The following ZPLD1 variants were observed in gnomAD, a reference collection of about 807,000 sequenced individuals.
ZPLD1 encodes the protein zona pellucida like domain containing 1, also known as zona pellucida-like domain-containing protein 1.
Under a neutral mutation model 47.2 loss-of-function variants are expected in ZPLD1, and 34 were observed. The ratio of observed to expected loss-of-function variants is 0.72; its 90% CI spans 0.55 to 0.96. The LOEUF is 0.96. ZPLD1 is among the 40% of genes least tolerant of loss of function. The pLI, the probability that ZPLD1 is intolerant of heterozygous loss-of-function variation, is 0.00. For missense variants in ZPLD1, 512 were observed against 505.8 expected (o/e 1.01, Z -0.12); for synonymous variants, 176 against 186.2 (o/e 0.95, Z 0.45).
chr3:102,463,591 G>A (rs1707542616), intron 7 of ZPLD1, among the ~76,000 whole-genome samples: 1 of 152,086 alleles, frequency 6.6e-6, no homozygotes, highest in African/African-American at 2.4e-5. Context: ...TTAAAAACTT[G>A]TATGGGTACA....
intron 3 of ZPLD1, among the ~76,000 whole-genome samples, chr3:102,449,760 T>G (rs573490309): frequency 6.6e-6 from 1 of 152,322 alleles, no homozygotes; most frequent in South Asian, 2.1e-4. Flanking sequence ...ATCATAGGCA[T>G]GTATATATAG....
intron 7 of ZPLD1, among the ~76,000 whole-genome samples, chr3:102,400,970 C>T (rs1295899484): frequency 6.6e-6 from 1 of 151,998 alleles, no homozygotes; most frequent in Non-Finnish European, 1.5e-5. Context: ...AATTTCAAAC[C>T]AATATGAGTC....
chr3:102,458,014 T>G (rs781612526), intron 6 of ZPLD1, among the ~76,000 whole-genome samples, 161 bp downstream of exon 6: 2 of 152,206 alleles, frequency 1.3e-5, no homozygotes, highest in Non-Finnish European at 2.9e-5. Flanking sequence ...ATCTTAGTGA[T>G]AAAGGTATAA....
intron 6 of ZPLD1, among the ~76,000 whole-genome samples, chr3:102,458,690 T>C (rs924774532): frequency 1.3e-5 from 2 of 152,200 alleles, no homozygotes; most frequent in Non-Finnish European, 2.9e-5. Context: ...TTTAAAAAAA[T>C]CATGTTTATA....
At chr3:102,414,621 A>G (rs949273940) in intron 7 of ZPLD1, among the ~76,000 whole-genome samples, 1 of 151,902 alleles carries the variant, frequency 6.6e-6, no homozygotes, top group Non-Finnish European at 1.5e-5. Flanking sequence ...TACCTAGTAA[A>G]GCTAGTTCCT....
chr3:102,392,468 A>G (rs1054459643), intron 7 of ZPLD1, among the ~76,000 whole-genome samples: 5 of 151,960 alleles, frequency 3.3e-5, no homozygotes, highest in Non-Finnish European at 7.4e-5. Context: ...AGGGTATCAC[A>G]TGTGCTAATA....
chr3:102,470,158 T>C (rs999131032), intron 9 of ZPLD1, among the ~76,000 whole-genome samples: 1 of 152,202 alleles, frequency 6.6e-6, no homozygotes, highest in African/African-American at 2.4e-5. Context: ...GCCATTGAGC[T>C]ATGTAAATTA....
intron 10 of ZPLD1, among the ~76,000 whole-genome samples, chr3:102,474,920 G>A (rs1707736086): frequency 2.0e-5 from 3 of 152,020 alleles, no homozygotes; most frequent in Admixed American, 2.0e-4. Context: ...AAAAAGTGTG[G>A]TGGGATAAAA....
Position 102,453,059 on chromosome 3 carries a change from A to G in ZPLD1, c.247A>G (p.Ile83Val). Reference protein sequence around the residue: ...RHGDSHCRGFINNNTFPAVVI... With the variant: ...RHGDSHCRGFVNNNTFPAVVI... ...TGGGGACTCCCACTGCAGAGGGTTC[A>G]TCAATAACAACACCTTTCCAGCAGT... The change falls in exon 4 of 12, where the codon ATC (isoleucine) becomes GTC (valine). Residue 83 changes from isoleucine to valine, a missense_variant. Ile to Val is a conservative substitution (Grantham distance 29). Transcript: ENST00000466937. 1 of 1,614,136 alleles carries G rather than the reference A, an allele frequency of 6.2e-7. No individual in the cohort carries two copies. Among genetic ancestry groups the G allele is most frequent in the Non-Finnish European group, 8.5e-7 (1 of 1,179,988 alleles).
intron 7 of ZPLD1, among the ~76,000 whole-genome samples, chr3:102,410,619 G>A (rs1045197278): frequency 6.6e-6 from 1 of 151,434 alleles, no homozygotes; most frequent in East Asian, 1.9e-4. Flanking sequence ...AAATGAGGTA[G>A]TCTTTCAGCA....
rs142110571 is a variant in ZPLD1, at chr3:102,389,489, T to C, written c.-212-2681T>C. 4.3e-4 allele frequency among the ~76,000 whole-genome samples: 65 copies of C among 152,324 alleles called. 2 individuals are homozygous for C. In the East Asian group the frequency reaches 7.9e-3, roughly 19 times the overall value. On this transcript the variant is annotated intron_variant, in intron 6 of 17. Coordinates refer to the ZPLD1 transcript ENST00000491959. ...CTCAAGGCATACCAAAAATGAAACA[T>C]TTATTTTTTATTAAAAAAACTTCAA...
chr3:102,438,125 T>C (rs1481249837), intron 2 of ZPLD1, among the ~76,000 whole-genome samples: 1 of 152,190 alleles, frequency 6.6e-6, no homozygotes, highest in Non-Finnish European at 1.5e-5. Flanking sequence ...ATCTCCAAAT[T>C]AGTCTGCCTA....
intron 10 of ZPLD1, among the ~76,000 whole-genome samples, chr3:102,474,990 G>A (rs941781415): frequency 6.6e-6 from 1 of 151,322 alleles, no homozygotes; most frequent in Non-Finnish European, 1.5e-5. Flanking sequence ...GATTTTTTTT[G>A]TTTGTTTGTT....
chr3:102,452,671 A>C (rs993459351), intron 3 of ZPLD1, among the ~76,000 whole-genome samples: 2 of 152,212 alleles, frequency 1.3e-5, no homozygotes, highest in Non-Finnish European at 2.9e-5. Context: ...TCCACTGGAC[A>C]TCAAGCACAA....
At chr3:102,400,422 T>C (rs933298920) in intron 7 of ZPLD1, among the ~76,000 whole-genome samples, 6 of 152,048 alleles carry the variant, frequency 3.9e-5, no homozygotes, top group Non-Finnish European at 7.4e-5. Context: ...GCTACGCACA[T>C]TGGAAAGTCT....
intron 8 of ZPLD1, 117 bp from the exon 9 acceptor site, chr3:102,468,847 G>T: frequency 1.1e-6 from 1 of 918,452 alleles, no homozygotes; most frequent in South Asian, 2.0e-5. Context: ...AACGTGGCAT[G>T]GTTCTGTTAG....
At chr3:102,445,131 C>T (rs1471364494) in intron 3 of ZPLD1, among the ~76,000 whole-genome samples, 2 of 152,148 alleles carry the variant, frequency 1.3e-5, no homozygotes, top group African/African-American at 2.4e-5. Flanking sequence ...CTGCTTCCTC[C>T]GGGTATTAAA....
At chr3:102,410,099 A>G (rs1706733595) in intron 7 of ZPLD1, among the ~76,000 whole-genome samples, 1 of 151,792 alleles carries the variant, frequency 6.6e-6, no homozygotes, top group Non-Finnish European at 1.5e-5. Context: ...TTAATTTCAT[A>G]TTTGATCAAT....
chr3:102,463,135 G>A (rs536371840), intron 7 of ZPLD1, among the ~76,000 whole-genome samples: 6 of 152,168 alleles, frequency 3.9e-5, no homozygotes, highest in African/African-American at 1.4e-4. Context: ...GCTTCCCATG[G>A]ATTAGTATTT....
Sources: gnomAD v4.1 joint callset for allele counts (sites outside exome capture counted in the v4.1 genomes callset) on GRCh38, gnomAD v4.1.1 for gene constraint, MANE v1.5 for transcripts, NCBI Gene and HGNC (gene_info 2026-07-23, HGNC 2026-07-21) for gene names.